ROCK1: variants seen among roughly 807,000 people sequenced by gnomAD.
ROCK1 encodes the protein Rho associated coiled-coil containing protein kinase 1, also known as rho-associated protein kinase 1.
ROCK1 carries 36 observed loss-of-function variants against 196.8 expected under a neutral mutation model. The ratio of observed to expected loss-of-function variants is 0.18; its 90% CI spans 0.14 to 0.24. ROCK1 has a LOEUF of 0.24. ROCK1 is among the 10% of genes least tolerant of loss of function. The pLI, the probability that ROCK1 is intolerant of heterozygous loss-of-function variation, is 1.00. For synonymous variants in ROCK1, 443 were observed against 515.9 expected, an observed-to-expected ratio of 0.86 and a Z score of 1.91; for missense variants, 920 against 1,562.0, an observed-to-expected ratio of 0.59 and a Z score of 6.93.
chr18:21,042,005 T>C, intron 8 of ROCK1, 92 bp downstream of exon 8: 1 of 1,154,224 alleles, frequency 8.7e-7, no homozygotes, highest in Non-Finnish European at 1.2e-6. Flanking sequence ...TCTAACAATT[T>C]ACATGTAGAA....
At chr18:21,040,015 C>T (rs2036091485) in intron 8 of ROCK1, among the ~76,000 whole-genome samples, 3 of 152,188 alleles carry the variant, frequency 2.0e-5, no homozygotes, top group Admixed American at 1.3e-4. Context: ...TGAGATTGCG[C>T]CACCGCACTC....
chr18:21,061,505 G>A (rs1485432435), intron 2 of ROCK1, among the ~76,000 whole-genome samples: 2 of 152,222 alleles, frequency 1.3e-5, no homozygotes, highest in African/African-American at 4.8e-5. Context: ...GTGTTTCCCA[G>A]GAGTGGGGGT....
chr18:21,034,873 T>C (rs1219716347), intron 9 of ROCK1, among the ~76,000 whole-genome samples: 1 of 152,180 alleles, frequency 6.6e-6, no homozygotes, highest in Non-Finnish European at 1.5e-5. Context: ...AAACCATGTA[T>C]CTGATAAGAG....
intron 22 of ROCK1, among the ~76,000 whole-genome samples, chr18:20,979,054 A>G (rs1182196289): frequency 1.3e-5 from 2 of 152,202 alleles, no homozygotes; most frequent in Non-Finnish European, 2.9e-5. Flanking sequence ...TGCGCCTGTC[A>G]GCTGAATTCT....
chr18:20,977,397 T>C (rs969698750), intron 22 of ROCK1, among the ~76,000 whole-genome samples: 14 of 152,220 alleles, frequency 9.2e-5, no homozygotes, highest in African/African-American at 2.9e-4. Flanking sequence ...AGATCACAGA[T>C]TGGCTTCTGC....
chr18:21,096,114 C>T (rs1479867040), intron 1 of ROCK1, among the ~76,000 whole-genome samples: 3 of 152,012 alleles, frequency 2.0e-5, no homozygotes, highest in African/African-American at 7.2e-5. Context: ...TATATCAAAA[C>T]ATCACATGTA....
At chr18:21,100,943 C>T (rs947501849) in intron 1 of ROCK1, among the ~76,000 whole-genome samples, 4 of 152,160 alleles carry the variant, frequency 2.6e-5, no homozygotes, top group African/African-American at 9.7e-5. Context: ...AGCACTGTAC[C>T]ATCCCTACCA....
chr18:20,969,578 T>C (rs1169349239), intron 23 of ROCK1, among the ~76,000 whole-genome samples: 8 of 152,186 alleles, frequency 5.3e-5, no homozygotes, highest in Admixed American at 5.2e-4. Flanking sequence ...TGAATATTGA[T>C]GATGAAAACG....
chr18:21,051,269 G>T (rs533817944), intron 2 of ROCK1, among the ~76,000 whole-genome samples: 1 of 152,096 alleles, frequency 6.6e-6, no homozygotes, highest in Non-Finnish European at 1.5e-5. Context: ...GAAACATGAT[G>T]AAACCCTGTC....
At chr18:21,028,462 T>G (rs1165342057) in intron 10 of ROCK1, among the ~76,000 whole-genome samples, 2 of 152,064 alleles carry the variant, frequency 1.3e-5, no homozygotes, top group Admixed American at 1.3e-4. Context: ...ACATGTTGTT[T>G]CAAAATGTAT....
chr18:21,074,616 C>T (rs548603845), intron 1 of ROCK1, among the ~76,000 whole-genome samples: 1 of 152,272 alleles, frequency 6.6e-6, no homozygotes, highest in South Asian at 2.1e-4. Context: ...TGCTGCCTTC[C>T]CCAGTGCCCT....
chr18:20,959,056 ATTATATTTTATATT>A (rs2035286074), intron 29 of ROCK1, among the ~76,000 whole-genome samples: 3 of 47,646 alleles, frequency 6.3e-5, no homozygotes, highest in African/African-American at 5.1e-4. Flanking sequence ...TAATATATAT[ATTATATTTTATATT>A]ATATAATATA....
chr18:21,080,532 TAC>T (rs2036474376), intron 1 of ROCK1, among the ~76,000 whole-genome samples: 1 of 152,070 alleles, frequency 6.6e-6, no homozygotes, highest in South Asian at 2.1e-4. Context: ...CCAATCAAAC[TAC>T]AGAGACTGAC....
At chr18:21,074,634 A>C (rs1011158187) in intron 1 of ROCK1, among the ~76,000 whole-genome samples, 1 of 152,234 alleles carries the variant, frequency 6.6e-6, no homozygotes, top group Non-Finnish European at 1.5e-5. Flanking sequence ...CCTGAGGGGA[A>C]ATGTTACATA....
At chr18:20,958,213 T>C (rs557628348) in intron 29 of ROCK1, among the ~76,000 whole-genome samples, 1 of 152,298 alleles carries the variant, frequency 6.6e-6, no homozygotes, top group Admixed American at 6.5e-5. Flanking sequence ...ACTAAAGCTG[T>C]TTATTAAAAA....
chr18:21,012,954 AT>A (rs974079654), intron 13 of ROCK1, among the ~76,000 whole-genome samples: 4 of 151,864 alleles, frequency 2.6e-5, no homozygotes, highest in African/African-American at 9.7e-5. Flanking sequence ...AGTTATTGTA[AT>A]TTTTGGTTGG....
intron 1 of ROCK1, among the ~76,000 whole-genome samples, chr18:21,083,186 G>A (rs1315851594): frequency 2.0e-5 from 3 of 152,044 alleles, no homozygotes; most frequent in East Asian, 3.9e-4. Context: ...AATTATAGAA[G>A]ACATAAATGA....
chr18:21,040,514 G>A (rs1008462270), intron 8 of ROCK1, among the ~76,000 whole-genome samples: 1 of 152,034 alleles, frequency 6.6e-6, no homozygotes, highest in Non-Finnish European at 1.5e-5. Flanking sequence ...TTTTTCCCTA[G>A]TACAGTGCTT....
rs1305372301 is a variant in ROCK1 at position 20,949,516 on chromosome 18, G to C, written c.*1868C>G. The C allele has an allele frequency of 6.6e-6, 1 of 152,242 alleles. No individual in the cohort carries two copies. Among genetic ancestry groups the C allele is most frequent in the Non-Finnish European group, 1.5e-5 (1 of 68,058 alleles). 9.4% of individuals were successfully genotyped at this position (152,242 alleles called of 1,614,324 possible). ...GGGAGACGTTATCTTTATTATACTG[G>C]ACAGTAAAAGAACCCGACATCCTCA... On this transcript the variant is annotated 3_prime_UTR_variant, in exon 33 of 33. Transcript: ENST00000399799.
Sources: gnomAD v4.1 joint callset for allele counts (sites outside exome capture counted in the v4.1 genomes callset) on GRCh38, gnomAD v4.1.1 for gene constraint, MANE v1.5 for transcripts, NCBI Gene and HGNC (gene_info 2026-07-23, HGNC 2026-07-21) for gene names.